The following FAM185A variants were observed in gnomAD, a reference collection of about 807,000 sequenced individuals.
The protein encoded by FAM185A is protein FAM185A.
Under a neutral mutation model 45.7 loss-of-function variants are expected in FAM185A, and 21 were observed. The ratio of observed to expected loss-of-function variants is 0.46; its 90% CI spans 0.33 to 0.66. The LOEUF (loss-of-function observed/expected upper bound fraction) is 0.66, where lower values mean the gene tolerates loss of function less well. Among genes scored for constraint, FAM185A ranks in the 30% least tolerant of loss-of-function variants. FAM185A has a pLI of 0.03. For missense variants in FAM185A, 305 were observed against 485.4 expected, an observed-to-expected ratio of 0.63 and a Z score of 3.49; for synonymous variants, 117 against 194.0, an observed-to-expected ratio of 0.60 and a Z score of 3.30.
the FAM185A span, among the ~76,000 whole-genome samples, chr7:102,835,934 GACATTA>G: frequency 4.6e-5 from 7 of 152,170 alleles, no homozygotes; most frequent in Admixed American, 3.3e-4. Flanking sequence ...CCTTGTTAGA[GACATTA>G]ACATTGTTAG....
intron 7 of FAM185A, among the ~76,000 whole-genome samples, chr7:102,805,092 C>T (rs771633419): frequency 6.6e-6 from 1 of 152,156 alleles, no homozygotes; most frequent in Non-Finnish European, 1.5e-5. Flanking sequence ...AGTATGTAAA[C>T]TAGTACAACC....
the FAM185A span, among the ~76,000 whole-genome samples, chr7:102,827,699 A>G: frequency 1.3e-5 from 2 of 151,780 alleles, no homozygotes; most frequent in African/African-American, 4.8e-5. Context: ...ACAACAGGCC[A>G]TGGTGTGTGA....
At chr7:102,819,643 G>A in the FAM185A span, among the ~76,000 whole-genome samples, 1 of 152,156 alleles carries the variant, frequency 6.6e-6, no homozygotes, top group Non-Finnish European at 1.5e-5. Flanking sequence ...TCAAGCATGT[G>A]GAGAGCATTG....
intron 7 of FAM185A, among the ~76,000 whole-genome samples, chr7:102,792,340 A>G: frequency 7.3e-6 from 1 of 137,044 alleles, no homozygotes; most frequent in East Asian, 2.2e-4. Flanking sequence ...CCTACTAAAA[A>G]GCTATGCACA....
chr7:102,844,265 G>T, the FAM185A span, among the ~76,000 whole-genome samples: 1 of 152,258 alleles, frequency 6.6e-6, no homozygotes, highest in South Asian at 2.1e-4. Flanking sequence ...CTATGTTTGG[G>T]TTTGGAGAAC....
chr7:102,818,622 C>T, the FAM185A span, among the ~76,000 whole-genome samples: 7 of 152,140 alleles, frequency 4.6e-5, no homozygotes, highest in South Asian at 4.1e-4. Flanking sequence ...AGGGACTGTC[C>T]GAGTTTAAGC....
the FAM185A span, among the ~76,000 whole-genome samples, chr7:102,823,974 A>C: frequency 6.6e-6 from 1 of 152,292 alleles, no homozygotes; most frequent in South Asian, 2.1e-4. Context: ...AGGCCCACAG[A>C]ATTGTAGAAG....
chr7:102,755,718 G>T (rs1011852822), intron 2 of FAM185A: 4 of 559,108 alleles, frequency 7.2e-6, no homozygotes, highest in Non-Finnish European at 1.3e-5. Flanking sequence ...GGGATGTCTA[G>T]TTCACAGGAA....
the FAM185A span, among the ~76,000 whole-genome samples, chr7:102,836,645 G>A: frequency 0.21 from 32,078 of 152,180 alleles, 3,989 homozygotes; most frequent in East Asian, 0.59. Context: ...GCTGTGTGTT[G>A]GCAATCTGGA....
intron 6 of FAM185A, among the ~76,000 whole-genome samples, chr7:102,777,964 ATGTACACATATG>A (rs1475934028): frequency 6.6e-6 from 1 of 152,220 alleles, no homozygotes; most frequent in Non-Finnish European, 1.5e-5. Context: ...GCACACATGG[ATGTACACATATG>A]TGTTGACAAG....
At chr7:102,824,425 T>C in the FAM185A span, among the ~76,000 whole-genome samples, 2 of 152,212 alleles carry the variant, frequency 1.3e-5, no homozygotes, top group East Asian at 1.9e-4. Context: ...TATTTCTTGC[T>C]CGTTTCTCAT....
chr7:102,750,067 G>A (rs948291408), intron 1 of FAM185A, among the ~76,000 whole-genome samples: 3 of 152,170 alleles, frequency 2.0e-5, no homozygotes, highest in Non-Finnish European at 4.4e-5. Flanking sequence ...AAACAGCCCT[G>A]TCAATAGGAT....
chr7:102,822,933 G>A, the FAM185A span, among the ~76,000 whole-genome samples: 8 of 152,026 alleles, frequency 5.3e-5, no homozygotes, highest in African/African-American at 1.5e-4. Context: ...ATGGTGGCAC[G>A]TGCCTGTAGT....
chr7:102,775,176 T>C (rs1037632644), intron 5 of FAM185A, among the ~76,000 whole-genome samples: 4 of 152,228 alleles, frequency 2.6e-5, no homozygotes, highest in African/African-American at 7.2e-5. Context: ...TACCATTTTA[T>C]GTGTATGATG....
At chr7:102,798,038 G>C (rs913538433) in intron 7 of FAM185A, among the ~76,000 whole-genome samples, 2 of 152,210 alleles carry the variant, frequency 1.3e-5, no homozygotes, top group African/African-American at 4.8e-5. Flanking sequence ...AGAACATAGA[G>C]ATTCATATAT....
Position 102,787,398 on chromosome 7 carries a change from T to C in FAM185A, c.995T>C (p.Val332Ala), listed in dbSNP as rs191114116. ...QAHLQLSGKE[V>A]DVNSEVHVQE... The stretch of plus-strand genomic sequence containing the variant: ...CATTTACAGTTATCAGGGAAAGAGG[T>C]TGATGTGAACTCAGAAGTCCATGTT... The change falls in exon 7 of 8, where the codon GTT (valine) becomes GCT (alanine). Residue 332 changes from valine to alanine, a missense_variant. By Grantham distance (64) the Val-to-Ala change is moderately conservative (BLOSUM62 0). Around this residue, in one of 5 missense-constraint regions of FAM185A, gnomAD observed 66 missense variants for 74.6 expected, o/e 0.89. Coordinates refer to ENST00000413034, the MANE Select transcript of FAM185A (RefSeq NM_001145268.2). 4,507 of 1,535,464 alleles carry C rather than the reference T, an allele frequency of 2.9e-3. 10 individuals carry two copies. Among genetic ancestry groups the C allele is most frequent in the Middle Eastern group, 4.2e-3 (25 of 5,932 alleles).
chr7:102,841,933 A>G, the FAM185A span, among the ~76,000 whole-genome samples: 1 of 152,144 alleles, frequency 6.6e-6, no homozygotes, highest in African/African-American at 2.4e-5. Flanking sequence ...TCCACAAGCT[A>G]CCAGATATCC....
chr7:102,807,171 G>A (rs1797168462), intron 7 of FAM185A, among the ~76,000 whole-genome samples: 1 of 151,932 alleles, frequency 6.6e-6, no homozygotes. Flanking sequence ...AAGCTGATCA[G>A]TGATTGAAGG....
At chr7:102,765,713 G>T (rs1278912012) in intron 4 of FAM185A, among the ~76,000 whole-genome samples, 4 of 152,032 alleles carry the variant, frequency 2.6e-5, no homozygotes, top group African/African-American at 9.7e-5. Context: ...TAAGCTAATT[G>T]ACTAGTCATA....
Sources: gnomAD v4.1 joint callset for allele counts (sites outside exome capture counted in the v4.1 genomes callset) on GRCh38, gnomAD v4.1.1 for gene constraint, gnomAD v4.1.1 regional missense constraint, MANE v1.5 for transcripts, NCBI Gene and HGNC (gene_info 2026-07-23, HGNC 2026-07-21) for gene names.